The following PRDM15 variants were observed in gnomAD, a reference collection of about 807,000 sequenced individuals.
PRDM15 encodes the protein PR domain zinc finger protein 15.
PRDM15 carries 64 observed loss-of-function variants against 128.6 expected under a neutral mutation model. The ratio of observed to expected loss-of-function variants is 0.50; its 90% CI spans 0.41 to 0.61. The LOEUF is 0.61. PRDM15 is among the 20% of genes least tolerant of loss of function. The pLI is 0.00. For missense variants in PRDM15, 1,242 were observed against 1,569.1 expected, an observed-to-expected ratio of 0.79 and a Z score of 3.52; for synonymous variants, 615 against 621.8, an observed-to-expected ratio of 0.99 and a Z score of 0.16.
chr21:41,834,452 A>T, intron 11 of PRDM15: 1 of 1,467,948 alleles, frequency 6.8e-7, no homozygotes, highest in Non-Finnish European at 9.3e-7. Flanking sequence ...CAGAGATGCA[A>T]GTGACAGACA....
chr21:41,806,731 A>C, intron 21 of PRDM15, among the ~76,000 whole-genome samples: 1 of 95,220 alleles, frequency 1.1e-5, no homozygotes, highest in African/African-American at 4.5e-5. Flanking sequence ...CACCATCACC[A>C]TCACCATACC....
intron 8 of PRDM15, among the ~76,000 whole-genome samples, chr21:41,837,285 C>T (rs538885778): frequency 1.8e-4 from 28 of 152,276 alleles, no homozygotes; most frequent in African/African-American, 5.1e-4. Flanking sequence ...ACCACAGCAG[C>T]GTCACGAAAG....
intron 11 of PRDM15, among the ~76,000 whole-genome samples, chr21:41,833,703 G>C (rs1467908454): frequency 6.6e-6 from 1 of 152,156 alleles, no homozygotes; most frequent in Admixed American, 6.5e-5. Context: ...CTGGCGCTCT[G>C]CGGGTTCTAG....
At chr21:41,860,527 A>T in intron 1 of PRDM15, 155 bp from the exon 2 acceptor site, 1 of 594,264 alleles carries the variant, frequency 1.7e-6, no homozygotes, top group African/African-American at 1.8e-5. Context: ...GGTTCAAGTG[A>T]TTCTCCTGCC....
rs895655357 is a variant in PRDM15 at position 41,811,044 on chromosome 21, A to G, written c.2393-208T>C. 3 of 539,546 alleles carry G rather than the reference A, an allele frequency of 5.6e-6. No individual in the cohort carries two copies. The highest frequency in any genetic ancestry group is 6.1e-5 in the Admixed American group (2 of 33,038). 33.4% of individuals were successfully genotyped at this position (539,546 alleles called of 1,614,324 possible). ...GTTTATGCTTCCATAGTGACATTTCATATCAAAAAAACATGAGATGTGGGA... is the reference window on the plus strand; with the variant it reads ...GTTTATGCTTCCATAGTGACATTTCGTATCAAAAAAACATGAGATGTGGGA... On this transcript the variant is annotated intron_variant, in intron 19 of 23. Transcript: ENST00000398548. This position sits in a 1 kb window ranked among gnomAD's most constrained non-coding sequence, Gnocchi z 4.1.
intron 1 of PRDM15, among the ~76,000 whole-genome samples, chr21:41,863,474 A>G (rs2063894064): frequency 6.6e-6 from 1 of 152,172 alleles, no homozygotes; most frequent in Non-Finnish European, 1.5e-5. Context: ...CTACTACTAC[A>G]AAAACTAACT....
At chr21:41,829,677 C>T (rs1289222456) in intron 11 of PRDM15, among the ~76,000 whole-genome samples, 4 of 150,930 alleles carry the variant, frequency 2.7e-5, no homozygotes, top group African/African-American at 9.8e-5. Context: ...ACATACACCC[C>T]AAATATACAC....
intron 11 of PRDM15, among the ~76,000 whole-genome samples, chr21:41,835,131 C>A (rs2062828884): frequency 6.6e-6 from 1 of 152,176 alleles, no homozygotes; most frequent in Non-Finnish European, 1.5e-5. Flanking sequence ...AAACATTGGA[C>A]ACTGCTGCTC....
rs74487122 is a variant in PRDM15 at position 41,827,159 on chromosome 21, G to A, written c.1534+1007C>T. 4.7e-3 allele frequency among the ~76,000 whole-genome samples: 711 copies of A among 152,242 alleles called. 9 individuals are homozygous for A. In the East Asian group the frequency reaches 0.058, roughly 12 times the overall value. ...ACTAAGTGGAGTCCAGGTTTGATTCGAGAGGCCCTAAGTATACCACCCAAG... is the reference window on the plus strand; with the variant it reads ...ACTAAGTGGAGTCCAGGTTTGATTCAAGAGGCCCTAAGTATACCACCCAAG... On this transcript the variant is annotated intron_variant, in intron 12 of 23. Transcript: ENST00000398548.
chr21:41,834,525 C>T, intron 11 of PRDM15: 1 of 1,550,428 alleles, frequency 6.4e-7, no homozygotes. Context: ...TCTAAGCCGA[C>T]TGCCGCCGGG....
intron 7 of PRDM15, among the ~76,000 whole-genome samples, chr21:41,838,572 A>C (rs1223256054): frequency 1.3e-5 from 2 of 152,236 alleles, no homozygotes; most frequent in East Asian, 3.8e-4. Context: ...TTACACAAAA[A>C]AATTCAACCA....
chr21:41,878,720 G>C, intron 1 of PRDM15: 1 of 1,574,084 alleles, frequency 6.4e-7, no homozygotes, highest in Non-Finnish European at 8.6e-7. Flanking sequence ...CTAAACGCGG[G>C]GTTGGGGGTC....
In PRDM15 at chr21:41,799,637, T is replaced by A. The variant is rs1030054002; in HGVS notation, c.*1603A>T. 1.3e-5 allele frequency: 2 copies of A among 152,258 alleles called. No homozygotes were observed. The highest frequency in any genetic ancestry group is 2.9e-5 in the Non-Finnish European group (2 of 68,040). The allele number at this position is 152,258 out of a possible 1,614,324, so 9.4% of individuals were successfully genotyped here. Reference sequence around the variant, plus strand: ...GCCCTGTCCTCAAAAGTCTGCTGTTTGGAGTGAAGTGCTGAGAAAGTTGCG... The same window carrying A: ...GCCCTGTCCTCAAAAGTCTGCTGTTAGGAGTGAAGTGCTGAGAAAGTTGCG... On this transcript the variant is annotated 3_prime_UTR_variant, in exon 24 of 24. Coordinates refer to ENST00000398548, the MANE Select transcript of PRDM15 (RefSeq NM_001040424.3).
At chr21:41,867,466 T>C in intron 1 of PRDM15, 2 of 1,032,326 alleles carry the variant, frequency 1.9e-6, no homozygotes, top group Non-Finnish European at 2.9e-6. Flanking sequence ...AGAGTCTCAC[T>C]ATGTTGCCCA....
At chr21:41,851,260 T>A (rs1019124759) in intron 5 of PRDM15, among the ~76,000 whole-genome samples, 2 of 152,262 alleles carry the variant, frequency 1.3e-5, no homozygotes, top group African/African-American at 4.8e-5. Flanking sequence ...GTATCCAGTC[T>A]GAACAGTGAG....
At chr21:41,830,368 AAC>A (rs1157566902) in intron 11 of PRDM15, among the ~76,000 whole-genome samples, 14 of 151,072 alleles carry the variant, frequency 9.3e-5, no homozygotes, top group Non-Finnish European at 1.5e-4. Context: ...ACAACATACA[AAC>A]ACATACGCTC....
At chr21:41,819,439 C>T (rs2062168396) in intron 18 of PRDM15, 143 bp downstream of exon 18, 1 of 1,051,302 alleles carries the variant, frequency 9.5e-7, no homozygotes, top group Non-Finnish European at 1.4e-6. Flanking sequence ...CCACCTTTCC[C>T]ACACTCGGCC....
chr21:41,861,843 T>C, intron 1 of PRDM15: 1 of 1,580,204 alleles, frequency 6.3e-7, no homozygotes. Flanking sequence ...CAATTTGCCC[T>C]TAAAATGCCA....
rs760103984 is a variant in PRDM15, at chr21:41,838,009, G to A, written c.926C>T (p.Thr309Met). Reference protein sequence around the residue: ...EVPPDEPVSATPDERIMELVL... With the variant: ...EVPPDEPVSAMPDERIMELVL... ...CAGCTCCATGATCCGCTCATCTGGC[G>A]TTGCACTCACAGGCTCATCCGGAGG... Residue 309 changes from threonine to methionine, a missense_variant, in exon 8 of 24, where the codon ACG (threonine) becomes ATG (methionine). Coordinates refer to ENST00000398548, the MANE Select transcript of PRDM15 (RefSeq NM_001040424.3). 65 of 1,614,026 alleles carry A rather than the reference G, an allele frequency of 4.0e-5. No homozygotes were observed. The highest frequency in any genetic ancestry group is 1.6e-4 in the Middle Eastern group (1 of 6,084).
Sources: gnomAD v4.1 joint callset for allele counts (sites outside exome capture counted in the v4.1 genomes callset) on GRCh38, gnomAD v4.1.1 for gene constraint, Gnocchi (gnomAD v3.1) non-coding constraint, MANE v1.5 for transcripts, NCBI Gene and HGNC (gene_info 2026-07-23, HGNC 2026-07-21) for gene names.